The following CDKAL1 variants were observed in gnomAD, a reference collection of about 807,000 sequenced individuals.
CDKAL1 encodes the protein threonylcarbamoyladenosine tRNA methylthiotransferase.
A neutral mutation model predicts 68.2 loss-of-function variants in CDKAL1; 32 were observed. That is an observed-to-expected ratio of 0.47 (90% CI 0.35 to 0.63). CDKAL1 has a LOEUF of 0.63. CDKAL1 is among the 30% of genes least tolerant of loss of function. CDKAL1 has a pLI of 0.00. For missense variants in CDKAL1, 606 were observed against 696.7 expected (o/e 0.87, Z 1.47); for synonymous variants, 234 against 244.3 (o/e 0.96, Z 0.39).
chr6:20,577,813 G>C lies in CDKAL1; in HGVS notation c.286+29108G>C, dbSNP rs188149205. On this transcript the variant is annotated intron_variant, in intron 4 of 15. Transcript: ENST00000274695. Reference sequence around the variant, plus strand: ...TGCTGGTCTATTTAATAAAAACATTGCTGTTTTGATTGGGTATTCATAGCC... The same window carrying C: ...TGCTGGTCTATTTAATAAAAACATTCCTGTTTTGATTGGGTATTCATAGCC... Among the ~76,000 whole-genome samples the C allele has an allele frequency of 6.9e-4, 105 of 152,214 alleles. 2 individuals carry two copies. Among genetic ancestry groups the C allele is most frequent in the Admixed American group, 5.8e-3 (88 of 15,290 alleles).
intron 8 of CDKAL1, among the ~76,000 whole-genome samples, chr6:20,808,396 G>A (rs771727639): frequency 1.3e-5 from 2 of 152,046 alleles, no homozygotes; most frequent in Non-Finnish European, 2.9e-5. Flanking sequence ...TAGGAAGTCT[G>A]GTGATGAAAA....
chr6:20,729,835 C>G (rs1044548048), intron 5 of CDKAL1, among the ~76,000 whole-genome samples: 2 of 152,166 alleles, frequency 1.3e-5, no homozygotes, highest in Admixed American at 6.5e-5. Context: ...TGCCGTGATT[C>G]ATGTTAGCTA....
At chr6:20,763,400 T>C (rs1051387651) in intron 7 of CDKAL1, among the ~76,000 whole-genome samples, 14 of 152,186 alleles carry the variant, frequency 9.2e-5, no homozygotes, top group Admixed American at 2.0e-4. Context: ...TTCCTAACCC[T>C]GCCCAGATTT....
At chr6:21,075,780 A>G (rs1772037551) in intron 12 of CDKAL1, among the ~76,000 whole-genome samples, 1 of 152,148 alleles carries the variant, frequency 6.6e-6, no homozygotes, top group African/African-American at 2.4e-5. Context: ...CTGCCTAGGA[A>G]AGGTCACCTA....
intron 12 of CDKAL1, among the ~76,000 whole-genome samples, chr6:21,071,185 A>C (rs192902499): frequency 6.6e-6 from 1 of 152,214 alleles, no homozygotes. Context: ...CCTCACCCAA[A>C]TCTCATCTTG....
chr6:21,203,393 C>A (rs143009143), intron 15 of CDKAL1, among the ~76,000 whole-genome samples: 33 of 151,502 alleles, frequency 2.2e-4, no homozygotes, highest in African/African-American at 7.5e-4. Context: ...TGTGCCACTA[C>A]GCCCGGCTAA....
intron 9 of CDKAL1, among the ~76,000 whole-genome samples, chr6:20,948,761 T>C (rs1452128291): frequency 6.6e-6 from 1 of 152,212 alleles, no homozygotes; most frequent in Non-Finnish European, 1.5e-5. Flanking sequence ...AAAATGCCCA[T>C]ATATGGAGCA....
chr6:20,992,905 GAAAAAA>G, intron 10 of CDKAL1, among the ~76,000 whole-genome samples: 1 of 144,128 alleles, frequency 6.9e-6, no homozygotes, highest in Non-Finnish European at 1.5e-5. Context: ...CTGTCTCAAA[GAAAAAA>G]AAAAAAAGAA....
chr6:21,225,951 T>TA (rs1779724308), intron 15 of CDKAL1, among the ~76,000 whole-genome samples: 2 of 152,286 alleles, frequency 1.3e-5, no homozygotes, highest in East Asian at 3.9e-4. Flanking sequence ...TTAATCCTCA[T>TA]AAAAACCCTA....
At chr6:21,113,039 A>G (rs1172150705) in intron 13 of CDKAL1, among the ~76,000 whole-genome samples, 1 of 152,190 alleles carries the variant, frequency 6.6e-6, no homozygotes, top group Non-Finnish European at 1.5e-5. Context: ...GTAAGAAGTG[A>G]CAGCATCCTA....
chr6:21,013,877 T>G (rs939752442), intron 11 of CDKAL1, among the ~76,000 whole-genome samples: 1 of 152,166 alleles, frequency 6.6e-6, no homozygotes, highest in Non-Finnish European at 1.5e-5. Flanking sequence ...TAGATAGATA[T>G]CACTTTCTCA....
intron 10 of CDKAL1, among the ~76,000 whole-genome samples, chr6:20,971,448 CTTAAAA>C (rs764805292): frequency 6.6e-6 from 1 of 152,092 alleles, no homozygotes; most frequent in Non-Finnish European, 1.5e-5. Flanking sequence ...GATAATCAAA[CTTAAAA>C]TTAATAGATA....
chr6:20,683,105 G>C (rs890833228), intron 5 of CDKAL1, among the ~76,000 whole-genome samples: 1 of 152,048 alleles, frequency 6.6e-6, no homozygotes, highest in Non-Finnish European at 1.5e-5. Context: ...TGGAACTACA[G>C]GTGCACACAC....
intron 6 of CDKAL1, among the ~76,000 whole-genome samples, chr6:20,750,730 G>C (rs1330311086): frequency 6.6e-6 from 1 of 152,014 alleles, no homozygotes; most frequent in Non-Finnish European, 1.5e-5. Flanking sequence ...TTGGGAGGCC[G>C]AGGCGGGCAG....
chr6:21,086,871 CAT>C (rs1292451669), intron 12 of CDKAL1, among the ~76,000 whole-genome samples: 1 of 152,098 alleles, frequency 6.6e-6, no homozygotes, highest in Admixed American at 6.5e-5. Context: ...TAAAAAATAT[CAT>C]AGTCCCTCAT....
intron 7 of CDKAL1, among the ~76,000 whole-genome samples, chr6:20,763,478 G>T (rs1431145304): frequency 6.6e-6 from 1 of 152,180 alleles, no homozygotes. Context: ...CTGGTACCCT[G>T]ATTGATAAGA....
intron 4 of CDKAL1, among the ~76,000 whole-genome samples, chr6:20,607,587 A>C (rs1766387751): frequency 1.3e-5 from 2 of 152,146 alleles, no homozygotes; most frequent in Non-Finnish European, 2.9e-5. Flanking sequence ...GGGGATTTAT[A>C]GGAATAGAAT....
intron 5 of CDKAL1, among the ~76,000 whole-genome samples, chr6:20,673,686 A>G (rs1769956400): frequency 6.6e-6 from 1 of 152,158 alleles, no homozygotes; most frequent in Non-Finnish European, 1.5e-5. Context: ...TTCTCATGAT[A>G]GTGCATGAGT....
At chr6:20,561,469 A>AAAAAAAAAAAAAC (rs1764267102) in intron 4 of CDKAL1, among the ~76,000 whole-genome samples, 1 of 142,060 alleles carries the variant, frequency 7.0e-6, no homozygotes, top group African/African-American at 2.5e-5. Flanking sequence ...AAAAAAAAAA[A>AAAAAAAAAAAAAC]AAGAACAGAC....
Sources: gnomAD v4.1 joint callset for allele counts (sites outside exome capture counted in the v4.1 genomes callset) on GRCh38, gnomAD v4.1.1 for gene constraint, MANE v1.5 for transcripts, NCBI Gene and HGNC (gene_info 2026-07-23, HGNC 2026-07-21) for gene names.